RBM6: variants seen among roughly 807,000 people sequenced by gnomAD.
RBM6 encodes RNA-binding protein 6.
RBM6 carries 23 observed loss-of-function variants against 140.4 expected under a neutral mutation model. The ratio of observed to expected loss-of-function variants is 0.16; its 90% CI spans 0.12 to 0.23. The LOEUF is 0.23. Ranked by LOEUF, RBM6 falls within the 10% of genes least tolerant of loss-of-function variation. The pLI is 1.00. For missense variants in RBM6, 1,139 were observed against 1,386.7 expected (o/e 0.82, Z 2.84); for synonymous variants, 439 against 475.6 (o/e 0.92, Z 1.00).
chr3:50,059,531 A>G, intron 10 of RBM6, 118 bp from the exon 11 acceptor site: 2 of 765,870 alleles, frequency 2.6e-6, no homozygotes, highest in Middle Eastern at 2.4e-4. Flanking sequence ...AATATAATGT[A>G]GTAAATTTAT....
rs560804551 is a variant in RBM6, at chr3:50,013,236, G to A, written c.1557+13723G>A. ...TGAGTGGATGATGTATGTGGAAGGC[G>A]ATTGGGATTTACTTTGTCGGTGTCT... On this transcript the variant is annotated intron_variant, in intron 6 of 20. Transcript: ENST00000266022. 2.1e-4 allele frequency among the ~76,000 whole-genome samples: 32 copies of A among 152,258 alleles called. No homozygotes were observed. The South Asian group carries it at 5.8e-3, about 28-fold the overall frequency.
chr3:49,979,476 G>A (rs532341524), intron 5 of RBM6, among the ~76,000 whole-genome samples: 38 of 136,360 alleles, frequency 2.8e-4, no homozygotes, highest in African/African-American at 7.6e-4. Flanking sequence ...TCTTGCTCCC[G>A]TTGTGTAGGC....
In RBM6 at chr3:49,999,429, G is replaced by A. The variant is rs1477615205; in HGVS notation, c.1484-11G>A. On this transcript the variant is annotated splice_polypyrimidine_tract_variant and intron_variant, in intron 5 of 20. Transcript: ENST00000266022. ...ACACCACTCCCGTCTGTATTTAAAT[G>A]CTGTCCCCAGGTTACGACTATGGCT... is the stretch of plus-strand genomic sequence containing the variant. 1.2e-6 allele frequency: 2 copies of A among 1,610,180 alleles called. No homozygotes were observed. The highest frequency in any genetic ancestry group is 3.3e-5 in the Admixed American group (2 of 60,000).
chr3:49,959,188 C>CTTT (rs35892482), intron 1 of RBM6, among the ~76,000 whole-genome samples: 6 of 124,936 alleles, frequency 4.8e-5, no homozygotes, highest in Admixed American at 8.1e-5. Context: ...GATTTTTTTC[C>CTTT]TTTTTTTTTT....
chr3:49,968,847 C>G, intron 3 of RBM6, 99 bp downstream of exon 3: 1 of 1,345,400 alleles, frequency 7.4e-7, no homozygotes, highest in South Asian at 1.6e-5. Flanking sequence ...GTGGTGCGAT[C>G]TCTGCTCATG....
intron 6 of RBM6, among the ~76,000 whole-genome samples, chr3:50,013,022 C>T (rs1344584660): frequency 9.2e-5 from 14 of 152,010 alleles, no homozygotes; most frequent in South Asian, 2.1e-4. Flanking sequence ...GGATTACAGG[C>T]GTGAGCCACC....
At chr3:49,990,724 C>T (rs2085779776) in intron 5 of RBM6, among the ~76,000 whole-genome samples, 1 of 151,994 alleles carries the variant, frequency 6.6e-6, no homozygotes, top group Non-Finnish European at 1.5e-5. Context: ...GCCTGGAGGA[C>T]AAGTGCTATA....
At chr3:49,940,746 T>C (rs772053055) in intron 1 of RBM6, 2 of 152,958 alleles carry the variant, frequency 1.3e-5, no homozygotes, top group African/African-American at 2.4e-5. Context: ...GAGAGTGGTC[T>C]GGTGGGTTCT....
At position 50,061,527 on chromosome 3, in the gene RBM6, T is replaced by C; in HGVS notation, c.2419T>C (p.Tyr807His). The change falls in exon 14 of 21, where the codon TAT (tyrosine) becomes CAT (histidine). Residue 807 changes from tyrosine (Y) to histidine (H), a missense_variant. This residue lies in a region of RBM6 where 163 missense variants were observed against 182.8 expected (regional missense o/e 0.89). Coordinates refer to ENST00000266022, the MANE Select transcript of RBM6 (RefSeq NM_005777.3). ...GYYYDPLAGT[Y>H]YDPNTQQEVY... The stretch of plus-strand genomic sequence containing the variant: ...CTATTATGACCCCTTGGCAGGAACT[T>C]ATTATGACCCCAATACCCAGGTGAG... 1 of 1,610,936 alleles carries C rather than the reference T, an allele frequency of 6.2e-7. No individual in the cohort carries two copies. The highest frequency in any genetic ancestry group is 8.5e-7 in the Non-Finnish European group (1 of 1,179,218).
chr3:49,982,076 G>A (rs1312493723), intron 5 of RBM6, among the ~76,000 whole-genome samples: 1 of 152,074 alleles, frequency 6.6e-6, no homozygotes, highest in African/African-American at 2.4e-5. Flanking sequence ...GCAATATCTT[G>A]CTTTAGCCCG....
At chr3:49,993,062 T>A (rs1221800424) in intron 5 of RBM6, among the ~76,000 whole-genome samples, 1 of 152,204 alleles carries the variant, frequency 6.6e-6, no homozygotes, top group African/African-American at 2.4e-5. Flanking sequence ...CATCTTGAGG[T>A]GATCTATGAC....
chr3:50,061,771 A>G, intron 14 of RBM6, 191 bp from the exon 15 acceptor site: 3 of 1,298,728 alleles, frequency 2.3e-6, no homozygotes, highest in Non-Finnish European at 3.1e-6. Flanking sequence ...TTGCTCTTGA[A>G]AAAGTGGACA....
intron 6 of RBM6, among the ~76,000 whole-genome samples, chr3:50,017,610 A>G (rs1030125920): frequency 6.6e-6 from 1 of 151,584 alleles, no homozygotes; most frequent in Non-Finnish European, 1.5e-5. Context: ...TCCTTTGCCC[A>G]TTTTTTAATA....
intron 6 of RBM6, among the ~76,000 whole-genome samples, chr3:50,009,821 C>A (rs1374666553): frequency 6.6e-6 from 1 of 152,160 alleles, no homozygotes; most frequent in Non-Finnish European, 1.5e-5. Flanking sequence ...CTCAGACTCA[C>A]AAAGTTCTGG....
chr3:49,959,540 C>T (rs1431107235), intron 1 of RBM6, among the ~76,000 whole-genome samples: 1 of 146,704 alleles, frequency 6.8e-6, no homozygotes, highest in African/African-American at 2.5e-5. Flanking sequence ...TTGCCATTTA[C>T]AGAATTCTTG....
chr3:50,001,082 C>G (rs967219088), intron 6 of RBM6, among the ~76,000 whole-genome samples: 8 of 152,210 alleles, frequency 5.3e-5, no homozygotes, highest in African/African-American at 1.9e-4. Context: ...ACAGTTGACA[C>G]TCTGTATCCA....
intron 1 of RBM6, chr3:49,940,878 CT>C (rs1210591361): frequency 2.9e-5 from 4 of 137,214 alleles, no homozygotes; most frequent in Non-Finnish European, 6.3e-5. Flanking sequence ...ATGGGTTCAA[CT>C]TTGGGAATGC....
intron 5 of RBM6, among the ~76,000 whole-genome samples, chr3:49,980,569 G>A (rs2085261822): frequency 6.6e-6 from 1 of 151,536 alleles, no homozygotes; most frequent in Admixed American, 6.6e-5. Flanking sequence ...AGACCAGCCT[G>A]GCCAACATGG....
chr3:50,052,438 A>C (rs1391520748), intron 7 of RBM6, among the ~76,000 whole-genome samples: 2 of 152,158 alleles, frequency 1.3e-5, no homozygotes, highest in Non-Finnish European at 2.9e-5. Flanking sequence ...AGTGTCACAT[A>C]CTTTATTCGT....
Sources: allele counts gnomAD v4.1 joint callset (sites outside exome capture counted in the v4.1 genomes callset), GRCh38; gene constraint gnomAD v4.1.1; regional missense constraint gnomAD v4.1.1; transcripts MANE v1.5; gene names NCBI Gene and HGNC (gene_info 2026-07-23, HGNC 2026-07-21).